Variants in C2CD5 observed in about 807,000 individuals in gnomAD.
The protein encoded by C2CD5 is C2 domain-containing protein 5.
In C2CD5, 109 loss-of-function variants were observed where a neutral mutation model predicts 130.3. The observed-to-expected ratio is 0.84, with a 90% CI of 0.72 to 0.98. The LOEUF (loss-of-function observed/expected upper bound fraction) is 0.98. Among genes scored for constraint, C2CD5 ranks in the 50% least tolerant of loss-of-function variants. The pLI is 0.00. For synonymous variants in C2CD5, 454 were observed against 429.2 expected (o/e 1.06, Z -0.71); for missense variants, 996 against 1,261.8 (o/e 0.79, Z 3.19).
At chr12:22,536,999 A>T (rs1158604035) in intron 2 of C2CD5, among the ~76,000 whole-genome samples, 1 of 152,240 alleles carries the variant, frequency 6.6e-6, no homozygotes, top group South Asian at 2.1e-4. Flanking sequence ...AAGCTGCTTT[A>T]TATGAAGTAA....
At chr12:22,530,111 T>TATACAC (rs1301636778) in intron 3 of C2CD5, among the ~76,000 whole-genome samples, 68 of 87,544 alleles carry the variant, frequency 7.8e-4, no homozygotes, top group African/African-American at 3.4e-3. Context: ...TATATATATA[T>TATACAC]ACACACACAC....
At chr12:22,479,273 C>T (rs1223538210) in intron 14 of C2CD5, among the ~76,000 whole-genome samples, 2 of 151,988 alleles carry the variant, frequency 1.3e-5, no homozygotes, top group Non-Finnish European at 2.9e-5. Flanking sequence ...GGGTTTTCAT[C>T]ATGTTGGCCA....
rs545816096 is a variant in C2CD5 at position 22,456,684 on chromosome 12, C to T, written c.2877+287G>A. ...TTGCTAAATTACTGAGGAAACGAAG[C>T]TGTTCTTTCAGGGCTATTTTAAACT... On this transcript the variant is annotated intron_variant, in intron 25 of 26. Coordinates refer to ENST00000446597, the MANE Select transcript of C2CD5 (RefSeq NM_001286176.2). Among the ~76,000 whole-genome samples, 413 of 152,288 alleles carry T rather than the reference C, an allele frequency of 2.7e-3. 1 individual carries two copies. Among genetic ancestry groups the T allele is most frequent in the Non-Finnish European group, 4.9e-3 (331 of 68,014 alleles).
intron 10 of C2CD5, chr12:22,502,658 C>A: frequency 1.4e-6 from 1 of 718,312 alleles, no homozygotes; most frequent in Non-Finnish European, 2.4e-6. Context: ...AAACCTACTT[C>A]ATCTAGAACA....
At chr12:22,540,555 C>G (rs1432446047) in intron 2 of C2CD5, among the ~76,000 whole-genome samples, 4 of 152,082 alleles carry the variant, frequency 2.6e-5, no homozygotes, top group Non-Finnish European at 5.9e-5. Context: ...AAAAGTACTT[C>G]CATATTAAAA....
At position 22,457,067 on chromosome 12, in the gene C2CD5, C is replaced by G. The variant is rs770710183; in HGVS notation, c.2781G>C (p.Lys927Asn). 1.2e-6 allele frequency: 2 copies of G among 1,612,478 alleles called. No homozygotes were observed. Among genetic ancestry groups the G allele is most frequent in the South Asian group, 2.2e-5 (2 of 90,926 alleles). ...PCANSTVGVV[K>N]MTPLSFIPGA... ...CAGGAATAAAAGAAAGAGGTGTCAT[C>G]TTAACAACCCCAACTGTGGAATTTG... The change falls in exon 25 of 27, where the codon AAG (lysine) becomes AAC (asparagine). Residue 927 changes from lysine (K) to asparagine (N), a missense_variant. Lys to Asn is a moderately conservative substitution (Grantham distance 94). Around this residue, in one of 9 missense-constraint regions of C2CD5, gnomAD observed 590 missense variants for 631.4 expected, o/e 0.93. Transcript: ENST00000446597.
At chr12:22,462,724 C>T (rs563067635) in intron 22 of C2CD5, among the ~76,000 whole-genome samples, 2 of 152,232 alleles carry the variant, frequency 1.3e-5, no homozygotes, top group African/African-American at 2.4e-5. Flanking sequence ...TTAGCTGCAG[C>T]GATTATTTGA....
intron 10 of C2CD5, chr12:22,497,730 T>A (rs1173716032): frequency 1.1e-5 from 2 of 179,640 alleles, no homozygotes; most frequent in African/African-American, 4.8e-5. Context: ...ATAGAGGAAG[T>A]CATGTGCAAA....
chr12:22,528,520 T>G (rs1211162958), intron 3 of C2CD5, among the ~76,000 whole-genome samples: 2 of 152,186 alleles, frequency 1.3e-5, no homozygotes, highest in Non-Finnish European at 2.9e-5. Flanking sequence ...CTATTTTGGC[T>G]GCCACCTTCT....
intron 11 of C2CD5, among the ~76,000 whole-genome samples, chr12:22,491,270 AC>A (rs1212362696): frequency 6.6e-6 from 1 of 152,138 alleles, no homozygotes; most frequent in Admixed American, 6.6e-5. Context: ...TCCATCTGTG[AC>A]CTATCATCAG....
At chr12:22,459,357 C>CAAA in intron 23 of C2CD5, 135 bp downstream of exon 23, 2 of 420,252 alleles carry the variant, frequency 4.8e-6, no homozygotes, top group South Asian at 4.5e-5. Context: ...ATTCTACCTA[C>CAAA]AAAAAAAAAA....
chr12:22,454,514 C>A (rs537623811), intron 25 of C2CD5, among the ~76,000 whole-genome samples: 3 of 151,874 alleles, frequency 2.0e-5, no homozygotes, highest in Non-Finnish European at 4.4e-5. Flanking sequence ...CTCAAATGCA[C>A]AAGCACTCTT....
In C2CD5 at chr12:22,469,744, T is replaced by C. The variant is rs781195596; in HGVS notation, c.2498A>G (p.Asp833Gly). Residue 833 changes from aspartate to glycine, a missense_variant, in exon 22 of 27, where the codon GAT becomes GGT. This residue lies in a region of C2CD5 where 590 missense variants were observed against 631.4 expected (regional missense o/e 0.93). Transcript: ENST00000446597. ...LLQFPLELCS[D>G]SLPSHPFPPA... ...TGGAAAAGGATGAGAAGGAAGTGAA[T>C]CTGAACACAGTTCCAGTGGAAATTG... The C allele has an allele frequency of 2.5e-6, 4 of 1,606,458 alleles. No individual in the cohort carries two copies. The highest frequency in any genetic ancestry group is 3.4e-5 in the Admixed American group (2 of 59,130).
chr12:22,516,400 T>C (rs1949726978), intron 8 of C2CD5, among the ~76,000 whole-genome samples: 1 of 151,648 alleles, frequency 6.6e-6, no homozygotes, highest in Non-Finnish European at 1.5e-5. Context: ...AAAAAAATTA[T>C]TTAGAGGTAG....
chr12:22,474,920 T>C, intron 15 of C2CD5, 29 bp from the exon 16 acceptor site: 1 of 1,475,196 alleles, frequency 6.8e-7, no homozygotes, highest in Non-Finnish European at 9.2e-7. Context: ...TTTTATATCA[T>C]ATGAGATTGT....
intron 8 of C2CD5, chr12:22,514,992 A>G: frequency 1.0e-6 from 1 of 985,378 alleles, no homozygotes; most frequent in Non-Finnish European, 1.2e-6. Context: ...TCACTGAAAG[A>G]AACACTTTTC....
chr12:22,497,058 A>G (rs1412871334), intron 10 of C2CD5, among the ~76,000 whole-genome samples: 1 of 152,152 alleles, frequency 6.6e-6, no homozygotes, highest in African/African-American at 2.4e-5. Flanking sequence ...TGCTCTTATT[A>G]AACTCAACCT....
intron 7 of C2CD5, among the ~76,000 whole-genome samples, chr12:22,519,842 A>G (rs1444372364): frequency 6.6e-6 from 1 of 152,134 alleles, no homozygotes; most frequent in Non-Finnish European, 1.5e-5. Context: ...CACCAAATAT[A>G]TAGCTTAAAA....
intron 14 of C2CD5, 106 bp from the exon 15 acceptor site, chr12:22,478,583 C>T: frequency 1.1e-6 from 1 of 914,698 alleles, no homozygotes; most frequent in Non-Finnish European, 1.6e-6. Flanking sequence ...CAGTGGCTCA[C>T]ACCTGTAATC....
Sources: allele counts gnomAD v4.1 joint callset (sites outside exome capture counted in the v4.1 genomes callset), GRCh38; gene constraint gnomAD v4.1.1; regional missense constraint gnomAD v4.1.1; transcripts MANE v1.5; gene names NCBI Gene and HGNC (gene_info 2026-07-23, HGNC 2026-07-21).